FYCO1: variants seen among roughly 807,000 people sequenced by gnomAD.
FYCO1 encodes FYVE and coiled-coil domain autophagy adaptor 1.
Under a neutral mutation model 165.1 loss-of-function variants are expected in FYCO1, and 122 were observed. That is an observed-to-expected ratio of 0.74 (90% CI 0.64 to 0.86). The LOEUF is 0.86. Among genes scored for constraint, FYCO1 ranks in the 40% least tolerant of loss-of-function variants. The pLI is 0.00. For synonymous variants in FYCO1, 648 were observed against 742.5 expected, an observed-to-expected ratio of 0.87 and a Z score of 2.07; for missense variants, 1,702 against 1,810.3, an observed-to-expected ratio of 0.94 and a Z score of 1.09.
rs1702977619 is a variant in FYCO1, at chr3:45,918,206, C to A, written c.*3559G>T. 6.6e-6 allele frequency: 1 copy of A among 152,618 alleles called. No individual in the cohort carries two copies. 9.5% of individuals were successfully genotyped at this position (152,618 alleles called of 1,614,324 possible). On this transcript the variant is annotated 3_prime_UTR_variant, in exon 18 of 18. Transcript: ENST00000296137. ...GGTATTGCTCTGCAGCCACCAGAGG[C>A]AGAGTGTCTCTGCATAACATACATC...
intron 6 of FYCO1, 50 bp from the exon 7 acceptor site, chr3:45,969,815 C>T (rs915751450): frequency 6.7e-7 from 1 of 1,499,210 alleles, no homozygotes; most frequent in Admixed American, 1.7e-5. Flanking sequence ...GGAAACCTAA[C>T]ACATGGAGGC....
At chr3:45,995,360 C>G (rs1707756584) in intron 1 of FYCO1, among the ~76,000 whole-genome samples, 1 of 152,256 alleles carries the variant, frequency 6.6e-6, no homozygotes, top group Non-Finnish European at 1.5e-5. Context: ...GGCAGGAACT[C>G]CGGGGCCTGC....
At chr3:45,947,326 G>T (rs1282280468) in intron 14 of FYCO1, 2 of 1,614,210 alleles carry the variant, frequency 1.2e-6, no homozygotes, top group Non-Finnish European at 1.7e-6. Flanking sequence ...CTGAGGGCCT[G>T]CCTTAACCCT....
At chr3:45,976,642 T>C (rs1575380611) in intron 4 of FYCO1, among the ~76,000 whole-genome samples, 1 of 152,212 alleles carries the variant, frequency 6.6e-6, no homozygotes, top group East Asian at 1.9e-4. Flanking sequence ...AGGGTTCCTA[T>C]ACCTCATACT....
At chr3:45,963,729 T>C (rs1055067850) in intron 10 of FYCO1, among the ~76,000 whole-genome samples, 2 of 152,244 alleles carry the variant, frequency 1.3e-5, no homozygotes, top group Non-Finnish European at 2.9e-5. Flanking sequence ...CATGACCACA[T>C]GGTGGACTTA....
At chr3:45,986,327 T>A (rs1490736210) in intron 1 of FYCO1, among the ~76,000 whole-genome samples, 2 of 151,996 alleles carry the variant, frequency 1.3e-5, no homozygotes, top group African/African-American at 4.8e-5. Flanking sequence ...ACACCCTGAG[T>A]GTTCTAACAC....
Position 45,967,189 on chromosome 3 carries a change from C to T in FYCO1, c.2145G>A (p.Glu715=). 6.2e-7 allele frequency: 1 copy of T among 1,613,922 alleles called. No homozygotes were observed. The highest frequency in any genetic ancestry group is 8.5e-7 in the Non-Finnish European group (1 of 1,179,908). The change falls in exon 8 of 18, where the codon GAG becomes GAA. Residue 715 remains glutamate (E), a synonymous_variant. Coordinates refer to ENST00000296137, the MANE Select transcript of FYCO1 (RefSeq NM_024513.4). ...KEGECQQLRE[E]VEQCQQLAEA... Reference sequence around the variant, plus strand: ...CTGCCAGTTGCTGGCACTGCTCCACCTCCTCCCGCAGCTGCTGACACTCGC... The same window carrying T: ...CTGCCAGTTGCTGGCACTGCTCCACTTCCTCCCGCAGCTGCTGACACTCGC...
chr3:45,955,107 C>G (rs1329461991), intron 14 of FYCO1, 142 bp downstream of exon 14: 4 of 1,007,966 alleles, frequency 4.0e-6, no homozygotes, highest in Non-Finnish European at 6.2e-6. Flanking sequence ...CGATGCTCTT[C>G]AAGGCCATCG....
intron 14 of FYCO1, among the ~76,000 whole-genome samples, chr3:45,949,056 G>A (rs771833068): frequency 9.2e-5 from 14 of 152,294 alleles, no homozygotes; most frequent in Admixed American, 5.2e-4. Flanking sequence ...GTGGGTTAGC[G>A]AGGCGAGGGA....
chr3:45,965,568 A>G (rs1705962847), intron 8 of FYCO1, among the ~76,000 whole-genome samples: 1 of 152,228 alleles, frequency 6.6e-6, no homozygotes, highest in South Asian at 2.1e-4. Context: ...TTAACCCCTC[A>G]TCTTTGTGTA....
chr3:45,990,174 C>T (rs1707499027), intron 1 of FYCO1, among the ~76,000 whole-genome samples: 1 of 152,184 alleles, frequency 6.6e-6, no homozygotes, highest in African/African-American at 2.4e-5. Flanking sequence ...TATGACATAG[C>T]CACAAAACAT....
At chr3:45,937,183 G>A (rs1251537383) in intron 14 of FYCO1, among the ~76,000 whole-genome samples, 1 of 152,154 alleles carries the variant, frequency 6.6e-6, no homozygotes, top group Non-Finnish European at 1.5e-5. Context: ...AATCTCAGGT[G>A]CCTCAGAGCC....
At chr3:45,970,261 G>C (rs1706347471) in intron 6 of FYCO1, among the ~76,000 whole-genome samples, 1 of 152,180 alleles carries the variant, frequency 6.6e-6, no homozygotes, top group African/African-American at 2.4e-5. Context: ...GGATGGCACT[G>C]CTTTAGAAAT....
chr3:45,958,478 G>T lies in FYCO1; in HGVS notation c.3729C>A (p.Gly1243=), dbSNP rs757818041. Residue 1243 remains glycine, a synonymous_variant, in exon 13 of 18, where the codon GGC becomes GGA. Transcript: ENST00000296137. ...GPGSPDSSGS[G]TSQGEPSPAL... ...CAGGGCTGGGCTCTCCCTGGCTAGT[G>T]CCTGAGCCACTGCTATCAGGGGAGC... 6.2e-7 allele frequency: 1 copy of T among 1,613,844 alleles called. No homozygotes were observed. Among genetic ancestry groups the T allele is most frequent in the Non-Finnish European group, 8.5e-7 (1 of 1,180,034 alleles).
At chr3:45,980,604 G>A (rs1706995575) in intron 3 of FYCO1, among the ~76,000 whole-genome samples, 1 of 152,208 alleles carries the variant, frequency 6.6e-6, no homozygotes, top group South Asian at 2.1e-4. Flanking sequence ...TAAAGAACCA[G>A]CTGAAATGTC....
rs1192191802 is a variant in FYCO1, at chr3:45,967,334, T to C, written c.2000A>G (p.Gln667Arg). 6.2e-7 allele frequency: 1 copy of C among 1,610,510 alleles called. No homozygotes were observed. The highest frequency in any genetic ancestry group is 1.7e-5 in the Admixed American group (1 of 59,976). The change falls in exon 8 of 18, where the codon CAG becomes CGG. Residue 667 changes from glutamine to arginine, a missense_variant. Gln to Arg is a conservative substitution (Grantham distance 43). Transcript: ENST00000296137. Reference sequence around the variant, plus strand: ...GTCACCCAAGTGCCGGATGCTGGCCTGCTCGGCCTCCAGGGAGGCCAAGGA... The same window carrying C: ...GTCACCCAAGTGCCGGATGCTGGCCCGCTCGGCCTCCAGGGAGGCCAAGGA... ...QGSLASLEAE[Q>R]ASIRHLGDQM... is the part of the protein sequence containing the mutation.
At chr3:45,946,829 C>T (rs201396651) in intron 14 of FYCO1, 229 of 1,614,096 alleles carry the variant, frequency 1.4e-4, no homozygotes, top group Non-Finnish European at 1.9e-4. Context: ...TCTACACGTC[C>T]ATGCTCATCC....
chr3:45,930,944 C>T, intron 16 of FYCO1, 127 bp downstream of exon 16: 2 of 877,910 alleles, frequency 2.3e-6, no homozygotes, highest in Non-Finnish European at 3.7e-6. Context: ...CATGATACTG[C>T]CCAGAACATT....
At chr3:45,973,527 G>T (rs915299477) in intron 5 of FYCO1, among the ~76,000 whole-genome samples, 2 of 152,170 alleles carry the variant, frequency 1.3e-5, no homozygotes, top group Non-Finnish European at 2.9e-5. Flanking sequence ...CAAGAAAGGG[G>T]AATTGTAGGA....
Sources: gnomAD v4.1 joint callset for allele counts (sites outside exome capture counted in the v4.1 genomes callset) on GRCh38, gnomAD v4.1.1 for gene constraint, MANE v1.5 for transcripts, NCBI Gene and HGNC (gene_info 2026-07-23, HGNC 2026-07-21) for gene names.